HHLA1: variants seen among roughly 807,000 people sequenced by gnomAD.
The protein encoded by HHLA1 is HHLA1 neighbor of OC90, also known as HERV-H LTR-associating protein 1.
HHLA1 carries 72 observed loss-of-function variants against 69.9 expected under a neutral mutation model. The ratio of observed to expected loss-of-function variants is 1.03; its 90% confidence interval spans 0.85 to 1.25. HHLA1 has a LOEUF of 1.25. Among genes scored for constraint, HHLA1 ranks in the 50% most tolerant of loss-of-function variants. The pLI, the probability that HHLA1 is intolerant of heterozygous loss-of-function variation, is 0.00. For missense variants in HHLA1, 685 were observed against 642.2 expected (o/e 1.07, Z -0.72); for synonymous variants, 252 against 233.2 (o/e 1.08, Z -0.73).
intron 10 of HHLA1, among the ~76,000 whole-genome samples, chr8:132,083,598 A>C (rs972178705): frequency 6.6e-6 from 1 of 152,188 alleles, no homozygotes; most frequent in African/African-American, 2.4e-5. Context: ...TGAGTTGAAC[A>C]GTCCGATTTT....
At chr8:132,093,509 G>A (rs911445007) in intron 7 of HHLA1, among the ~76,000 whole-genome samples, 1 of 152,134 alleles carries the variant, frequency 6.6e-6, no homozygotes, top group African/African-American at 2.4e-5. Flanking sequence ...GTTGAGCAAC[G>A]GCAAGTTGTT....
chr8:132,103,618 A>AAAATAAAT (rs144841392), intron 3 of HHLA1, among the ~76,000 whole-genome samples: 9 of 151,574 alleles, frequency 5.9e-5, no homozygotes, highest in Non-Finnish European at 8.8e-5. Flanking sequence ...ACCCCATCTC[A>AAAATAAAT]AAATAAATAA....
Position 132,094,569 on chromosome 8 carries a change from A to G in HHLA1, c.448+950T>C, listed in dbSNP as rs117615257. On this transcript the variant is annotated intron_variant, in intron 7 of 16. Coordinates refer to ENST00000414222, the MANE Select transcript of HHLA1 (RefSeq NM_001145095.3). ...GGAACAACCACAGGGCTGGCCCCTC[A>G]CATCCTGAAGGTCACCCCTCAACCC... 2.8e-3 allele frequency among the ~76,000 whole-genome samples: 433 copies of G among 152,196 alleles called. 2 individuals are homozygous for G. The highest frequency in any genetic ancestry group is 9.5e-3 in the East Asian group (49 of 5,162).
At position 132,077,934 on chromosome 8, in the gene HHLA1, A is replaced by T. The variant is rs1823675456; in HGVS notation, c.963T>A (p.Ala321=). 2 of 1,551,660 alleles carry T rather than the reference A, an allele frequency of 1.3e-6. No individual in the cohort carries two copies. The highest frequency in any genetic ancestry group is 2.4e-5 in the East Asian group (1 of 40,914). Residue 321 remains alanine (A), a synonymous_variant, in exon 12 of 17, where the codon GCT becomes GCA. Transcript: ENST00000414222. ...ATATGGAAGCCCACGTCTGTCTGTC[A>T]GCTGTCAACCACTGAGTTCTGGCCA... ...RRVARTQWLT[A]DRQTWASISS...
intron 10 of HHLA1, 87 bp downstream of exon 10, chr8:132,087,566 C>T (rs1823883746): frequency 2.8e-5 from 22 of 788,044 alleles, no homozygotes; most frequent in Non-Finnish European, 4.3e-5. Flanking sequence ...AAACACAACA[C>T]CTGAGGGCAG....
chr8:132,077,977 C>T lies in HHLA1; in HGVS notation c.926-6G>A. ...TCTGGCCACCCTCCTGGTAGCTGCA[C>T]ATTCAAAGTGACAGTAACAGGGTAC... is the stretch of plus-strand genomic sequence containing the variant. On this transcript the variant is annotated splice_polypyrimidine_tract_variant and splice_region_variant and intron_variant, in intron 11 of 16. Coordinates refer to ENST00000414222, the MANE Select transcript of HHLA1 (RefSeq NM_001145095.3). 14 of 1,551,512 alleles carry T rather than the reference C, an allele frequency of 9.0e-6. No individual in the cohort carries two copies. Among genetic ancestry groups the T allele is most frequent in the Non-Finnish European group, 1.2e-5 (14 of 1,146,852 alleles).
intron 15 of HHLA1, chr8:132,070,427 T>G (rs561234204): frequency 1.4e-6 from 1 of 700,398 alleles, no homozygotes; most frequent in African/African-American, 1.7e-5. Context: ...TCCTAGCAAA[T>G]CTCGCCAGGC....
chr8:132,081,978 C>A (rs1823760034), intron 10 of HHLA1, among the ~76,000 whole-genome samples: 1 of 152,058 alleles, frequency 6.6e-6, no homozygotes, highest in Admixed American at 6.5e-5. Flanking sequence ...GTGGAACTGC[C>A]ATCAATAAAT....
At chr8:132,088,795 G>T (rs551124683) in intron 8 of HHLA1, among the ~76,000 whole-genome samples, 1 of 152,312 alleles carries the variant, frequency 6.6e-6, no homozygotes, top group South Asian at 2.1e-4. Context: ...CTCTGTGACA[G>T]TTTCCTCACC....
intron 7 of HHLA1, among the ~76,000 whole-genome samples, chr8:132,093,714 A>C (rs2130893705): frequency 6.6e-6 from 1 of 152,344 alleles, no homozygotes; most frequent in East Asian, 1.9e-4. Flanking sequence ...AACTTTCTCC[A>C]GGCAGATTTA....
intron 14 of HHLA1, among the ~76,000 whole-genome samples, chr8:132,073,824 C>T (rs897822995): frequency 2.6e-5 from 4 of 152,194 alleles, no homozygotes; most frequent in Admixed American, 6.5e-5. Flanking sequence ...ATCACCGCAT[C>T]CTCTTGGTTC....
intron 15 of HHLA1, chr8:132,070,376 A>C (rs1184214799): frequency 1.4e-6 from 1 of 701,888 alleles, no homozygotes; most frequent in Non-Finnish European, 2.6e-6. Flanking sequence ...GGATTTATGA[A>C]AGAACTGGAA....
chr8:132,077,082 C>G (rs1431290446), intron 12 of HHLA1, among the ~76,000 whole-genome samples: 16 of 152,162 alleles, frequency 1.1e-4, no homozygotes. Context: ...ACCAGCAATA[C>G]AGTCTCCTTG....
At chr8:132,065,805 TG>T in intron 16 of HHLA1, 80 bp downstream of exon 16, 1 of 604,022 alleles carries the variant, frequency 1.7e-6, no homozygotes, top group East Asian at 6.7e-5. Context: ...CAAAGACATC[TG>T]GGAATCACTC....
chr8:132,068,710 G>A lies in HHLA1; in HGVS notation c.1469+2630C>T, dbSNP rs73353145. ...GCAGACCAGAGCTGCTGCACGCACT[G>A]TGGAGTCAGCAGCAGCCTGAATAGA... On this transcript the variant is annotated intron_variant, in intron 15 of 16. Coordinates refer to ENST00000414222, the MANE Select transcript of HHLA1 (RefSeq NM_001145095.3). 5.0e-3 allele frequency among the ~76,000 whole-genome samples: 769 copies of A among 152,336 alleles called. 6 individuals carry two copies. Among genetic ancestry groups the A allele is most frequent in the African/African-American group, 0.018 (737 of 41,592 alleles).
chr8:132,095,812 A>G (rs970897463), intron 5 of HHLA1, 26 bp from the exon 6 acceptor site: 1 of 1,431,086 alleles, frequency 7.0e-7, no homozygotes, highest in Non-Finnish European at 9.6e-7. Context: ...AGATAAAGAG[A>G]CAGACAGATG....
intron 1 of HHLA1, among the ~76,000 whole-genome samples, chr8:132,107,491 G>C (rs1236538847): frequency 6.6e-6 from 1 of 151,980 alleles, no homozygotes; most frequent in Non-Finnish European, 1.5e-5. Context: ...AGTAGAGACA[G>C]GGTTTCTCCA....
chr8:132,085,365 T>G, intron 10 of HHLA1: 1 of 294,192 alleles, frequency 3.4e-6, no homozygotes, highest in Non-Finnish European at 6.6e-6. Flanking sequence ...TGAGGGATAG[T>G]GAGGGAGGTT....
rs3802261 is a variant in HHLA1 at position 132,062,580 on chromosome 8, A to G, written c.*1415T>C. On this transcript the variant is annotated 3_prime_UTR_variant, in exon 17 of 17. Transcript: ENST00000414222. ...GAGCACCAGGCACATCAGGAGAAAA[A>G]CTGTCCCTGGTAATGAGAAATAAGG... is the stretch of plus-strand genomic sequence containing the variant. The G allele has an allele frequency of 0.33, 50,031 of 152,114 alleles. 10,798 individuals carry two copies. The highest frequency in any genetic ancestry group is 0.61 in the African/African-American group (25,227 of 41,434). 9.4% of individuals were successfully genotyped at this position (152,114 alleles called of 1,614,324 possible). A position where few individuals can be genotyped will look rare whatever the true frequency, so the allele number is the denominator to read the frequency against.
Sources: allele counts gnomAD v4.1 joint callset (sites outside exome capture counted in the v4.1 genomes callset), GRCh38; gene constraint gnomAD v4.1.1; transcripts MANE v1.5; gene names NCBI Gene and HGNC (gene_info 2026-07-23, HGNC 2026-07-21).